The following PPP5C variants were observed in gnomAD, a reference collection of about 807,000 sequenced individuals.
The protein encoded by PPP5C is serine/threonine-protein phosphatase 5.
In PPP5C, 21 loss-of-function variants were observed where a neutral mutation model predicts 66.7. The ratio of observed to expected loss-of-function variants is 0.31; its 90% confidence interval spans 0.22 to 0.45. The LOEUF (loss-of-function observed/expected upper bound fraction) is 0.45, where lower values mean the gene tolerates loss of function less well. Ranked by LOEUF, PPP5C falls within the 20% of genes least tolerant of loss-of-function variation. PPP5C has a pLI of 1.00. For synonymous variants in PPP5C, 246 were observed against 257.4 expected (o/e 0.96, Z 0.43); for missense variants, 464 against 675.9 (o/e 0.69, Z 3.48).
chr19:46,362,933 G>T (rs943504835), intron 2 of PPP5C, among the ~76,000 whole-genome samples: 1 of 149,280 alleles, frequency 6.7e-6, no homozygotes, highest in Non-Finnish European at 1.5e-5. Context: ...GACTACAGGC[G>T]CCCGCCACCA....
chr19:46,389,367 ACACACACACACACAC>A (rs1972957722), intron 11 of PPP5C, among the ~76,000 whole-genome samples: 12 of 2,176 alleles, frequency 5.5e-3, no homozygotes, highest in Admixed American at 0.012. Flanking sequence ...CTCAAAACAC[ACACACACACACACAC>A]ACACACACAC....
At chr19:46,355,614 T>A (rs1386216580) in intron 2 of PPP5C, among the ~76,000 whole-genome samples, 1 of 151,838 alleles carries the variant, frequency 6.6e-6, no homozygotes, top group Non-Finnish European at 1.5e-5. Context: ...GCAGAGGCCT[T>A]CCCAGCTTGG....
chr19:46,371,252 T>C (rs2147383756), intron 2 of PPP5C, among the ~76,000 whole-genome samples: 1 of 152,208 alleles, frequency 6.6e-6, no homozygotes. Context: ...TTCTGTGGCT[T>C]TGGGTTCCTT....
At chr19:46,364,928 G>T (rs561208231) in intron 2 of PPP5C, among the ~76,000 whole-genome samples, 1 of 151,984 alleles carries the variant, frequency 6.6e-6, no homozygotes, top group Admixed American at 6.6e-5. Flanking sequence ...GGGCCGGGGC[G>T]GGGGGGCTGT....
chr19:46,389,358 T>A (rs1972954424), intron 11 of PPP5C, among the ~76,000 whole-genome samples: 1 of 125,350 alleles, frequency 8.0e-6, no homozygotes, highest in African/African-American at 3.4e-5. Context: ...AGACTCCATC[T>A]CAAAACACAC....
At chr19:46,390,228 G>T in intron 12 of PPP5C, 56 bp from the exon 13 acceptor site, 13 of 1,601,508 alleles carry the variant, frequency 8.1e-6, no homozygotes, top group Non-Finnish European at 1.1e-5. Flanking sequence ...TCTGCCGGTG[G>T]GTGCTCAGGG....
chr19:46,348,534 G>A (rs991463525), intron 1 of PPP5C, among the ~76,000 whole-genome samples: 1 of 151,996 alleles, frequency 6.6e-6, no homozygotes, highest in Non-Finnish European at 1.5e-5. Context: ...GGCTGGTGTC[G>A]AACCTCTGAC....
chr19:46,351,364 C>T (rs1433731712), intron 1 of PPP5C, among the ~76,000 whole-genome samples: 1 of 152,118 alleles, frequency 6.6e-6, no homozygotes, highest in Non-Finnish European at 1.5e-5. Context: ...CAGGCTCCTC[C>T]CATTTCCTCT....
rs933865097 is a variant in PPP5C at position 46,383,709 on chromosome 19, C to T, written c.700-71C>T. On this transcript the variant is annotated intron_variant, in intron 5 of 12. Coordinates refer to ENST00000012443, the MANE Select transcript of PPP5C (RefSeq NM_006247.4). The surrounding 1 kb of genome is among the most constrained non-coding windows in gnomAD (Gnocchi z 5.0). ...TGGTCTACTGTGAACTCTTACCCTT[C>T]CCCTCACCTCTGCCCCCTCCCCACG... The T allele has an allele frequency of 2.3e-6, 3 of 1,278,240 alleles. No individual in the cohort carries two copies. The highest frequency in any genetic ancestry group is 2.3e-5 in the East Asian group (1 of 43,290). 79.2% of individuals were successfully genotyped at this position (1,278,240 alleles called of 1,614,324 possible). A position where few individuals can be genotyped will look rare whatever the true frequency, so the allele number is the denominator to read the frequency against.
chr19:46,365,755 AG>A, intron 2 of PPP5C, among the ~76,000 whole-genome samples: 1 of 152,248 alleles, frequency 6.6e-6, no homozygotes, highest in South Asian at 2.1e-4. Context: ...AGTGGGTCAA[AG>A]GGGGCAATTT....
In PPP5C at chr19:46,353,847, G is replaced by A. The variant is rs773931053; in HGVS notation, c.221G>A (p.Arg74His). Residue 74 changes from arginine to histidine, a missense_variant, in exon 2 of 13, where the codon CGC (arginine) becomes CAC (histidine). Coordinates refer to ENST00000012443, the MANE Select transcript of PPP5C (RefSeq NM_006247.4). Reference protein sequence around the residue: ...YYGNRSLAYLRTECYGYALGD... With the variant: ...YYGNRSLAYLHTECYGYALGD... ...GGCAACCGCAGCCTGGCCTACCTGC[G>A]CACTGAGTGCTATGGCTACGCGCTG... 12 of 1,611,486 alleles carry A rather than the reference G, an allele frequency of 7.4e-6. No individual in the cohort carries two copies. The highest frequency in any genetic ancestry group is 1.7e-5 in the Admixed American group (1 of 59,464).
chr19:46,379,288 G>A (rs555096381), intron 4 of PPP5C, among the ~76,000 whole-genome samples: 65 of 152,254 alleles, frequency 4.3e-4, no homozygotes, highest in African/African-American at 1.5e-3. Flanking sequence ...TCTTGACCTC[G>A]TGATCCACCT....
At chr19:46,390,207 C>CGGGGGT in intron 12 of PPP5C, 75 bp downstream of exon 12, 1 of 1,607,228 alleles carries the variant, frequency 6.2e-7, no homozygotes, top group South Asian at 1.1e-5. Context: ...TGGTAAGGGG[C>CGGGGGT]AGGGGTAGGT....
intron 11 of PPP5C, among the ~76,000 whole-genome samples, chr19:46,389,520 T>G (rs541959052): frequency 8.0e-5 from 12 of 150,708 alleles, no homozygotes; most frequent in Non-Finnish European, 1.6e-4. Context: ...TGGTCTCTCC[T>G]AAGTGTCTTT....
At chr19:46,355,189 C>G (rs1300364595) in intron 2 of PPP5C, among the ~76,000 whole-genome samples, 1 of 152,366 alleles carries the variant, frequency 6.6e-6, no homozygotes, top group Non-Finnish European at 1.5e-5. Context: ...AGTTCGCTCC[C>G]TGAGACGGGG....
chr19:46,389,098 C>T (rs765917709), intron 11 of PPP5C, among the ~76,000 whole-genome samples: 38 of 152,102 alleles, frequency 2.5e-4, no homozygotes, highest in Middle Eastern at 3.4e-3. Context: ...CCGAGGTGGG[C>T]GGATCACCTG....
rs1385943053 is a variant in PPP5C at position 46,376,382 on chromosome 19, G to A, written c.512-71G>A. The A allele has an allele frequency of 6.4e-7, 1 of 1,572,168 alleles. No individual in the cohort carries two copies. Among genetic ancestry groups the A allele is most frequent in the African/African-American group, 1.4e-5 (1 of 74,070 alleles). ...CACACCCAAGTTTTCCCCATCCCTG[G>A]GAGCGAGACCCCCTTCTCCCTCATA... On this transcript the variant is annotated intron_variant, in intron 3 of 12. Transcript: ENST00000012443. The surrounding 1 kb of genome is among the most constrained non-coding windows in gnomAD (Gnocchi z 5.1).
chr19:46,355,708 G>A (rs1007744273), intron 2 of PPP5C, among the ~76,000 whole-genome samples: 27 of 152,262 alleles, frequency 1.8e-4, no homozygotes, highest in Admixed American at 4.6e-4. Flanking sequence ...AGGAGTGGCC[G>A]CCTCCGGATG....
At chr19:46,387,991 G>A (rs932981006) in intron 9 of PPP5C, 11 of 272,632 alleles carry the variant, frequency 4.0e-5, no homozygotes, top group African/African-American at 2.1e-4. Context: ...AGAAGTTGGC[G>A]AGTGGGCAGG....
Sources: allele counts gnomAD v4.1 joint callset (sites outside exome capture counted in the v4.1 genomes callset), GRCh38; gene constraint gnomAD v4.1.1; non-coding constraint Gnocchi (gnomAD v3.1); transcripts MANE v1.5; gene names NCBI Gene and HGNC (gene_info 2026-07-23, HGNC 2026-07-21).